The following NUDCD1 variants were observed in gnomAD, a reference collection of about 807,000 sequenced individuals.
NUDCD1 encodes the protein NudC domain containing 1, also known as nudC domain-containing protein 1.
Under a neutral mutation model 67.8 loss-of-function variants are expected in NUDCD1, and 60 were observed. The ratio of observed to expected loss-of-function variants is 0.88; its 90% confidence interval spans 0.72 to 1.10. NUDCD1 has a LOEUF of 1.10. NUDCD1 is among the 50% of genes least tolerant of loss of function. The pLI is 0.00. For synonymous variants in NUDCD1, 244 were observed against 230.8 expected (o/e 1.06, Z -0.52); for missense variants, 643 against 695.0 (o/e 0.93, Z 0.84).
At chr8:109,264,541 A>G (rs1460469455) in intron 8 of NUDCD1, among the ~76,000 whole-genome samples, 1 of 152,196 alleles carries the variant, frequency 6.6e-6, no homozygotes, top group Non-Finnish European at 1.5e-5. Context: ...AAAAACATCC[A>G]TTCAAAGTGT....
At chr8:109,294,333 G>A (rs1445951542) in intron 3 of NUDCD1, among the ~76,000 whole-genome samples, 1 of 152,050 alleles carries the variant, frequency 6.6e-6, no homozygotes, top group Non-Finnish European at 1.5e-5. Context: ...ATGTCATCAA[G>A]TTCCCTATGT....
intron 1 of NUDCD1, among the ~76,000 whole-genome samples, chr8:109,327,795 T>C (rs2130150136): frequency 6.6e-6 from 1 of 152,206 alleles, no homozygotes; most frequent in Non-Finnish European, 1.5e-5. Context: ...TGCTGAAACT[T>C]CCCCACTCGC....
At chr8:109,319,749 G>T (rs541279275) in intron 2 of NUDCD1, among the ~76,000 whole-genome samples, 1 of 152,134 alleles carries the variant, frequency 6.6e-6, no homozygotes, top group Admixed American at 6.5e-5. Flanking sequence ...GCATATAAAC[G>T]TATATGCAAA....
At chr8:109,266,589 G>A (rs182213933) in intron 8 of NUDCD1, among the ~76,000 whole-genome samples, 1 of 151,970 alleles carries the variant, frequency 6.6e-6, no homozygotes, top group African/African-American at 2.4e-5. Context: ...TTCAAAATCT[G>A]GTTGTGTATT....
intron 2 of NUDCD1, among the ~76,000 whole-genome samples, chr8:109,313,632 A>C (rs543074726): frequency 6.6e-6 from 1 of 152,364 alleles, no homozygotes; most frequent in Non-Finnish European, 1.5e-5. Flanking sequence ...TCCTCAAAAC[A>C]GTTATTTCAA....
chr8:109,319,542 A>G (rs988952990), intron 2 of NUDCD1, among the ~76,000 whole-genome samples: 2 of 152,180 alleles, frequency 1.3e-5, no homozygotes, highest in African/African-American at 4.8e-5. Flanking sequence ...TTGCTAGATG[A>G]CAAAATGGTT....
At chr8:109,269,821 C>G (rs1013385861) in intron 8 of NUDCD1, among the ~76,000 whole-genome samples, 1 of 151,270 alleles carries the variant, frequency 6.6e-6, no homozygotes, top group Middle Eastern at 3.4e-3. Context: ...ATGCACAGCT[C>G]TAAATTAGCC....
At chr8:109,248,869 T>A (rs1231328225) in intron 8 of NUDCD1, among the ~76,000 whole-genome samples, 1 of 152,094 alleles carries the variant, frequency 6.6e-6, no homozygotes, top group Non-Finnish European at 1.5e-5. Flanking sequence ...CTGTCTCCCC[T>A]ATTTCCCCAT....
At chr8:109,329,512 T>C (rs1815755756) in intron 1 of NUDCD1, among the ~76,000 whole-genome samples, 1 of 152,138 alleles carries the variant, frequency 6.6e-6, no homozygotes, top group Non-Finnish European at 1.5e-5. Context: ...GATAGGATAA[T>C]GTGAGATTTC....
intron 3 of NUDCD1, 24 bp downstream of exon 3, chr8:109,296,360 C>T: frequency 6.3e-7 from 1 of 1,596,080 alleles, no homozygotes; most frequent in Non-Finnish European, 8.6e-7. Flanking sequence ...CTGGACTTCG[C>T]ATAAGTCTTA....
At chr8:109,244,168 G>A (rs1183811377) in intron 9 of NUDCD1, among the ~76,000 whole-genome samples, 4 of 152,014 alleles carry the variant, frequency 2.6e-5, no homozygotes. Flanking sequence ...GATCAATACT[G>A]TTTTTAAAAA....
intron 8 of NUDCD1, among the ~76,000 whole-genome samples, chr8:109,258,459 T>A (rs1040710793): frequency 1.2e-4 from 18 of 151,970 alleles, no homozygotes; most frequent in African/African-American, 3.6e-4. Context: ...GAACATAGAC[T>A]TCATCTCATC....
intron 2 of NUDCD1, among the ~76,000 whole-genome samples, chr8:109,308,348 T>C (rs774174116): frequency 1.3e-5 from 2 of 152,144 alleles, no homozygotes; most frequent in Non-Finnish European, 2.9e-5. Context: ...GGAAAGTTCA[T>C]AGCCCTAAAC....
At chr8:109,288,607 T>C (rs1427849177) in intron 5 of NUDCD1, among the ~76,000 whole-genome samples, 1 of 152,202 alleles carries the variant, frequency 6.6e-6, no homozygotes, top group Non-Finnish European at 1.5e-5. Context: ...GAAAATATTT[T>C]TCAATTATAT....
At chr8:109,280,016 TTAC>T (rs1243584488) in intron 6 of NUDCD1, among the ~76,000 whole-genome samples, 11 of 152,072 alleles carry the variant, frequency 7.2e-5, no homozygotes, top group African/African-American at 2.4e-4. Flanking sequence ...TAAGAAAAAA[TTAC>T]TACAATTTAC....
intron 2 of NUDCD1, among the ~76,000 whole-genome samples, chr8:109,313,175 C>T (rs1276812885): frequency 6.6e-6 from 1 of 152,124 alleles, no homozygotes; most frequent in Non-Finnish European, 1.5e-5. Context: ...TGTGTTCTCC[C>T]TTACTGCAAA....
At chr8:109,310,924 C>CA (rs1383649114) in intron 2 of NUDCD1, among the ~76,000 whole-genome samples, 1 of 150,574 alleles carries the variant, frequency 6.6e-6, no homozygotes. Context: ...CAAGTGATTC[C>CA]CCTGCCTCAG....
At chr8:109,267,323 G>A (rs2129936832) in intron 8 of NUDCD1, among the ~76,000 whole-genome samples, 1 of 152,112 alleles carries the variant, frequency 6.6e-6, no homozygotes, top group Admixed American at 6.5e-5. Flanking sequence ...TTTTATTTGT[G>A]TGTCCATATG....
At position 109,251,666 on chromosome 8, in the gene NUDCD1, C is replaced by G. The variant is rs566902929; in HGVS notation, c.1300-6185G>C. ...ACTTTGTGTTTTCTTTTTCCTCAGT[C>G]TGGCTAGAGACTTACCAATCTTGAT... On this transcript the variant is annotated intron_variant, in intron 8 of 9. Coordinates refer to ENST00000239690, the MANE Select transcript of NUDCD1 (RefSeq NM_032869.4). Among the ~76,000 whole-genome samples the G allele has an allele frequency of 6.6e-5, 10 of 152,218 alleles. No individual in the cohort carries two copies. The South Asian group carries it at 1.9e-3, about 28-fold the overall frequency.
Sources: gnomAD v4.1 joint callset for allele counts (sites outside exome capture counted in the v4.1 genomes callset) on GRCh38, gnomAD v4.1.1 for gene constraint, MANE v1.5 for transcripts, NCBI Gene and HGNC (gene_info 2026-07-23, HGNC 2026-07-21) for gene names.